Variants in CACNA1D observed in about 807,000 individuals in gnomAD.
CACNA1D encodes the protein voltage-dependent L-type calcium channel subunit alpha-1D.
A neutral mutation model predicts 257.1 loss-of-function variants in CACNA1D; 55 were observed. The ratio of observed to expected loss-of-function variants is 0.21; its 90% CI spans 0.17 to 0.27. The LOEUF (loss-of-function observed/expected upper bound fraction) is 0.27, where lower values mean the gene tolerates loss of function less well. CACNA1D is among the 10% of genes least tolerant of loss of function. CACNA1D has a pLI of 1.00. For missense variants in CACNA1D, 1,876 were observed against 2,784.0 expected (o/e 0.67, Z 7.34); for synonymous variants, 980 against 1,014.9 (o/e 0.97, Z 0.65).
intron 6 of CACNA1D, among the ~76,000 whole-genome samples, chr3:53,666,115 G>A (rs537233690): frequency 1.1e-3 from 170 of 152,276 alleles, no homozygotes; most frequent in Non-Finnish European, 2.1e-3. Context: ...TGCTGTAAGC[G>A]CAGGTGCAGA....
At chr3:53,619,369 C>A (rs1224603734) in intron 3 of CACNA1D, among the ~76,000 whole-genome samples, 1 of 152,186 alleles carries the variant, frequency 6.6e-6, no homozygotes, top group Non-Finnish European at 1.5e-5. Context: ...ATCATAGGTT[C>A]AGGTTATTTC....
chr3:53,710,722 T>C (rs966184001), intron 9 of CACNA1D, among the ~76,000 whole-genome samples: 1 of 152,080 alleles, frequency 6.6e-6, no homozygotes, highest in Non-Finnish European at 1.5e-5. Flanking sequence ...TCAAAAAATG[T>C]ACTTGATTCG....
At chr3:53,667,068 T>C (rs894851532) in intron 7 of CACNA1D, among the ~76,000 whole-genome samples, 1 of 152,196 alleles carries the variant, frequency 6.6e-6, no homozygotes, top group South Asian at 2.1e-4. Flanking sequence ...TCCCATTCTT[T>C]AGTATTACTA....
intron 3 of CACNA1D, among the ~76,000 whole-genome samples, chr3:53,607,958 A>G (rs2093534120): frequency 1.3e-5 from 2 of 152,324 alleles, no homozygotes; most frequent in East Asian, 3.9e-4. Context: ...ATCAGGTAGT[A>G]TAAGTTCTCC....
intron 9 of CACNA1D, among the ~76,000 whole-genome samples, chr3:53,712,858 G>A (rs752511281): frequency 1.3e-5 from 2 of 152,200 alleles, no homozygotes; most frequent in African/African-American, 4.8e-5. Flanking sequence ...TGTGAATGAG[G>A]CTACTAATGG....
Position 53,736,671 on chromosome 3 carries a change from C to A in CACNA1D, c.2751+1168C>A, listed in dbSNP as rs563413020. 2.0e-5 allele frequency among the ~76,000 whole-genome samples: 3 copies of A among 152,082 alleles called. No individual in the cohort carries two copies. In the South Asian group the frequency reaches 6.2e-4, roughly 32 times the overall value. ...TTTTGGGAGGCCAAGACAGTAGAAT[C>A]GCTTGAGCCCAGGAGTTCAAGACTA... is the stretch of plus-strand genomic sequence containing the variant. On this transcript the variant is annotated intron_variant, in intron 20 of 47. Transcript: ENST00000350061.
chr3:53,762,207 A>G (rs1251866284), intron 30 of CACNA1D, 126 bp downstream of exon 30: 1 of 738,436 alleles, frequency 1.4e-6, no homozygotes, highest in South Asian at 1.4e-5. Context: ...ATCTGAAACT[A>G]GGATTTCCTA....
chr3:53,807,867 C>G (rs1483692818), intron 45 of CACNA1D: 1 of 152,202 alleles, frequency 6.6e-6, no homozygotes, highest in Admixed American at 6.5e-5. Flanking sequence ...TCTTTCCCAA[C>G]AAAAATAATT....
intron 8 of CACNA1D, among the ~76,000 whole-genome samples, chr3:53,684,874 T>C (rs936729338): frequency 5.3e-5 from 8 of 152,038 alleles, no homozygotes; most frequent in African/African-American, 1.9e-4. Flanking sequence ...AGGATGCATA[T>C]GATAATCTCC....
intron 3 of CACNA1D, among the ~76,000 whole-genome samples, chr3:53,648,097 T>C (rs2094042275): frequency 6.6e-6 from 1 of 152,220 alleles, no homozygotes. Flanking sequence ...AGGTGTACTG[T>C]CTGTTCTCTG....
At chr3:53,693,149 G>T (rs1178895754) in intron 8 of CACNA1D, among the ~76,000 whole-genome samples, 1 of 152,134 alleles carries the variant, frequency 6.6e-6, no homozygotes, top group African/African-American at 2.4e-5. Flanking sequence ...GCCCACCAGC[G>T]GTTCCCATGC....
intron 8 of CACNA1D, among the ~76,000 whole-genome samples, chr3:53,674,847 C>T (rs1028989386): frequency 6.6e-6 from 1 of 152,212 alleles, no homozygotes; most frequent in Admixed American, 6.5e-5. Context: ...CGCCCAGGCA[C>T]CCTCAGGAAG....
At position 53,788,966 on chromosome 3, in the gene CACNA1D, G is replaced by A. The variant is rs113929115; in HGVS notation, c.4923+2014G>A. 7.3e-3 allele frequency among the ~76,000 whole-genome samples: 1,116 copies of A among 152,176 alleles called. 16 individuals carry two copies. Among genetic ancestry groups the A allele is most frequent in the African/African-American group, 0.025 (1,048 of 41,520 alleles). On this transcript the variant is annotated intron_variant, in intron 40 of 47. Coordinates refer to ENST00000350061, the MANE Select transcript of CACNA1D (RefSeq NM_001128840.3). Reference sequence around the variant, plus strand: ...CTCTAGTGGCTGGAAATAGTGTTTTGATGTTTTAAGATATGCACAAACAAC... The same window carrying A: ...CTCTAGTGGCTGGAAATAGTGTTTTAATGTTTTAAGATATGCACAAACAAC...
At chr3:53,674,714 G>C (rs2094357202) in intron 8 of CACNA1D, among the ~76,000 whole-genome samples, 1 of 152,218 alleles carries the variant, frequency 6.6e-6, no homozygotes, top group Non-Finnish European at 1.5e-5. Context: ...GGAGCTGGGG[G>C]CTGTATGGCT....
chr3:53,555,461 T>TGTGTGTG (rs533515957), intron 3 of CACNA1D, among the ~76,000 whole-genome samples: 32 of 99,330 alleles, frequency 3.2e-4, no homozygotes, highest in African/African-American at 1.7e-3. Flanking sequence ...TGTGTGTGTG[T>TGTGTGTG]TTTTTTTTTT....
chr3:53,574,992 CAG>C (rs2093011409), intron 3 of CACNA1D, among the ~76,000 whole-genome samples: 1 of 152,246 alleles, frequency 6.6e-6, no homozygotes, highest in African/African-American at 2.4e-5. Context: ...GGTCTTGAGA[CAG>C]GGGCGCAGGC....
intron 21 of CACNA1D, among the ~76,000 whole-genome samples, chr3:53,742,533 CTG>C (rs1334296485): frequency 1.3e-5 from 2 of 152,190 alleles, no homozygotes; most frequent in African/African-American, 2.4e-5. Context: ...TAAGGGGCCT[CTG>C]TGGAAAAGTG....
Position 53,723,743 on chromosome 3 carries a change from T to G in CACNA1D, c.1893-49T>G. 6.3e-7 allele frequency: 1 copy of G among 1,589,500 alleles called. No homozygotes were observed. Among genetic ancestry groups the G allele is most frequent in the Non-Finnish European group, 8.6e-7 (1 of 1,157,542 alleles). On this transcript the variant is annotated intron_variant, in intron 13 of 47. Transcript: ENST00000350061. The surrounding 1 kb of genome is among the most constrained non-coding windows in gnomAD (Gnocchi z 5.6). ...CATCCCCGGGCAGGTGATGTTCTGC[T>G]CTGTCCTGCATGGGTGTTCTGAGCT... is the stretch of plus-strand genomic sequence containing the variant.
chr3:53,692,685 C>G (rs150327025), intron 8 of CACNA1D, among the ~76,000 whole-genome samples: 1 of 152,106 alleles, frequency 6.6e-6, no homozygotes, highest in Non-Finnish European at 1.5e-5. Flanking sequence ...TAGGAAACAC[C>G]GACTCTGAAA....
Sources: allele counts gnomAD v4.1 joint callset (sites outside exome capture counted in the v4.1 genomes callset), GRCh38; gene constraint gnomAD v4.1.1; non-coding constraint Gnocchi (gnomAD v3.1); transcripts MANE v1.5; gene names NCBI Gene and HGNC (gene_info 2026-07-23, HGNC 2026-07-21).